BCAR3: variants seen among roughly 807,000 people sequenced by gnomAD.
BCAR3 encodes breast cancer anti-estrogen resistance protein 3.
BCAR3 carries 37 observed loss-of-function variants against 80.1 expected under a neutral mutation model. The ratio of observed to expected loss-of-function variants is 0.46; its 90% CI spans 0.36 to 0.61. BCAR3 has a LOEUF of 0.61. Ranked by LOEUF, BCAR3 falls within the 20% of genes least tolerant of loss-of-function variation. The probability of loss-of-function intolerance (pLI) is 0.00; values close to 1 mark genes in which losing one functional copy is unlikely to be tolerated. For missense variants in BCAR3, 978 were observed against 1,068.2 expected (o/e 0.92, Z 1.18); for synonymous variants, 389 against 418.9 (o/e 0.93, Z 0.87).
intron 3 of BCAR3, among the ~76,000 whole-genome samples, chr1:93,636,462 G>C (rs544801890): frequency 6.6e-6 from 1 of 151,988 alleles, no homozygotes; most frequent in African/African-American, 2.4e-5. Context: ...CACTGCGGTA[G>C]CCTGGAGAGC....
At position 93,562,232 on chromosome 1, in the gene BCAR3, GGA is replaced by G. The variant is rs766453341; in HGVS notation, c.*7_*8del. ...TGAAAAGATATTCTAAAGGTTCTCT[GGA>G]GAGTTATCAAAGCTCTGCCTGCTTT... On this transcript the variant is annotated 3_prime_UTR_variant, in exon 12 of 12. Coordinates refer to ENST00000260502, the MANE Select transcript of BCAR3 (RefSeq NM_003567.4). The G allele has an allele frequency of 6.2e-7, 1 of 1,611,074 alleles. No individual in the cohort carries two copies. The highest frequency in any genetic ancestry group is 8.5e-7 in the Non-Finnish European group (1 of 1,178,178).
intron 9 of BCAR3, among the ~76,000 whole-genome samples, chr1:93,568,714 C>T (rs1187476619): frequency 6.6e-6 from 1 of 152,168 alleles, no homozygotes; most frequent in Non-Finnish European, 1.5e-5. Flanking sequence ...CATTCCTTGC[C>T]TCAAAAGCAT....
intron 2 of BCAR3, among the ~76,000 whole-genome samples, chr1:93,767,924 TA>T: frequency 6.6e-6 from 1 of 152,300 alleles, no homozygotes; most frequent in Admixed American, 6.5e-5. Context: ...TGAAACTAGA[TA>T]GGGGTTACAA....
chr1:93,769,245 T>C (rs1234554927), intron 2 of BCAR3, among the ~76,000 whole-genome samples: 1 of 152,190 alleles, frequency 6.6e-6, no homozygotes, highest in Non-Finnish European at 1.5e-5. Context: ...CATAAGCAGC[T>C]CTTGGGGAAA....
chr1:93,674,864 A>G lies in BCAR3; in HGVS notation c.67T>C (p.Ser23Pro). 1 of 1,585,624 alleles carries G rather than the reference A, an allele frequency of 6.3e-7. No homozygotes were observed. The highest frequency in any genetic ancestry group is 8.5e-7 in the Non-Finnish European group (1 of 1,170,700). The change falls in exon 2 of 12, where the codon TCA becomes CCA. Residue 23 changes from serine (S) to proline (P), a missense_variant. By Grantham distance (74) the Ser-to-Pro change is moderately conservative (BLOSUM62 -1). Coordinates refer to ENST00000260502, the MANE Select transcript of BCAR3 (RefSeq NM_003567.4). ...MPVNHQFPLA[S>P]SMDLLSSRSP... ...CTGCTGCTCAGAAGGTCCATGGATG[A>G]GGCCAGGGGGAACTGGTGATTCACC...
At chr1:93,704,072 A>G (rs1649744941) in intron 3 of BCAR3, among the ~76,000 whole-genome samples, 1 of 152,246 alleles carries the variant, frequency 6.6e-6, no homozygotes, top group Admixed American at 6.5e-5. Context: ...TTCCATCATC[A>G]CAGAAATTGC....
intron 2 of BCAR3, among the ~76,000 whole-genome samples, chr1:93,816,610 G>A (rs753305949): frequency 3.3e-4 from 46 of 138,970 alleles, no homozygotes; most frequent in Middle Eastern, 3.9e-3. Context: ...GGCGGAGGTT[G>A]CAGTGAGCCA....
chr1:93,731,327 T>G (rs1229382065), intron 2 of BCAR3, among the ~76,000 whole-genome samples: 4 of 152,236 alleles, frequency 2.6e-5, no homozygotes, highest in African/African-American at 9.6e-5. Context: ...AAATATTCCA[T>G]GGGAATATAA....
chr1:93,636,552 G>GAAA (rs537240776), intron 3 of BCAR3, among the ~76,000 whole-genome samples: 105 of 137,730 alleles, frequency 7.6e-4, no homozygotes, highest in African/African-American at 2.5e-3. Context: ...TGGCTAATTT[G>GAAA]AAAAAAAAAA....
intron 2 of BCAR3, among the ~76,000 whole-genome samples, chr1:93,746,217 A>G (rs553104021): frequency 9.8e-5 from 15 of 152,354 alleles, no homozygotes; most frequent in African/African-American, 3.6e-4. Context: ...AGGGAGTGGC[A>G]GCAGCAGCCA....
chr1:93,625,708 C>T (rs59232020), intron 3 of BCAR3, among the ~76,000 whole-genome samples: 11,617 of 152,186 alleles, frequency 0.076, 918 homozygotes, highest in African/African-American at 0.2. Flanking sequence ...GGCTGGGACT[C>T]GAAAGGAAAT....
At chr1:93,645,532 C>G (rs538815012) in intron 2 of BCAR3, among the ~76,000 whole-genome samples, 1 of 151,894 alleles carries the variant, frequency 6.6e-6, no homozygotes, top group South Asian at 2.1e-4. Context: ...TACTTTTCCA[C>G]TGAGATAAAA....
chr1:93,649,899 C>CA (rs760817374), intron 2 of BCAR3, among the ~76,000 whole-genome samples: 33 of 150,394 alleles, frequency 2.2e-4, no homozygotes, highest in Non-Finnish European at 4.3e-4. Flanking sequence ...TACCCGCAAC[C>CA]AAAAAAAAGC....
chr1:93,806,785 T>C (rs1361109781), intron 2 of BCAR3, among the ~76,000 whole-genome samples: 1 of 152,172 alleles, frequency 6.6e-6, no homozygotes, highest in Non-Finnish European at 1.5e-5. Flanking sequence ...GCATCATATT[T>C]TGGGTTATCG....
intron 2 of BCAR3, among the ~76,000 whole-genome samples, chr1:93,649,592 G>A (rs1451546409): frequency 6.6e-6 from 1 of 151,736 alleles, no homozygotes; most frequent in African/African-American, 2.4e-5. Flanking sequence ...AAGGAAAAGG[G>A]TTTTACAAAT....
intron 2 of BCAR3, among the ~76,000 whole-genome samples, chr1:93,733,046 C>T (rs1233477443): frequency 2.0e-5 from 3 of 152,208 alleles, no homozygotes; most frequent in Non-Finnish European, 4.4e-5. Flanking sequence ...AAAACTGAGA[C>T]CAATGCAGCA....
At chr1:93,772,209 C>A (rs1652381156) in intron 2 of BCAR3, among the ~76,000 whole-genome samples, 1 of 152,138 alleles carries the variant, frequency 6.6e-6, no homozygotes, top group African/African-American at 2.4e-5. Flanking sequence ...CCACTGAAGG[C>A]TTTTAAGCAG....
In BCAR3 at chr1:93,768,166, G is replaced by A. The variant is rs745869514; in HGVS notation, c.-62-62024C>T. ...TAGAGTCAATGGCCAGAGCAGCAAC[G>A]AATGACCCCATTTGCAGAGAGACGT... On this transcript the variant is annotated intron_variant, in intron 2 of 13. Transcript: ENST00000370244. Among the ~76,000 whole-genome samples, 13 of 152,290 alleles carry A rather than the reference G, an allele frequency of 8.5e-5. 1 individual carries two copies. The highest frequency in any genetic ancestry group is 5.9e-4 in the Admixed American group (9 of 15,302).
At chr1:93,582,050 C>G (rs1297118270) in intron 7 of BCAR3, among the ~76,000 whole-genome samples, 1 of 152,222 alleles carries the variant, frequency 6.6e-6, no homozygotes, top group Non-Finnish European at 1.5e-5. Flanking sequence ...ATCCCTCTGT[C>G]TGAGATGAAT....
Sources: allele counts gnomAD v4.1 joint callset (sites outside exome capture counted in the v4.1 genomes callset), GRCh38; gene constraint gnomAD v4.1.1; transcripts MANE v1.5; gene names NCBI Gene and HGNC (gene_info 2026-07-23, HGNC 2026-07-21).